Variants in TLL2 observed in about 807,000 individuals in gnomAD.
The protein encoded by TLL2 is tolloid like 2.
Under a neutral mutation model 123.0 loss-of-function variants are expected in TLL2, and 106 were observed. The observed-to-expected ratio is 0.86, with a 90% CI of 0.74 to 1.01. The LOEUF (loss-of-function observed/expected upper bound fraction) is 1.01. Among genes scored for constraint, TLL2 ranks in the 50% least tolerant of loss-of-function variants. TLL2 has a pLI of 0.00. For missense variants in TLL2, 1,332 were observed against 1,336.7 expected, an observed-to-expected ratio of 1.00 and a Z score of 0.06; for synonymous variants, 494 against 516.8, an observed-to-expected ratio of 0.96 and a Z score of 0.60.
At chr10:96,497,111 T>A (rs1465202848) in intron 1 of TLL2, among the ~76,000 whole-genome samples, 1 of 150,774 alleles carries the variant, frequency 6.6e-6, no homozygotes, top group Non-Finnish European at 1.5e-5. Flanking sequence ...CGAAACCCTG[T>A]CTCTGCTAAA....
chr10:96,403,231 T>C (rs568237926), intron 10 of TLL2, among the ~76,000 whole-genome samples: 1 of 152,188 alleles, frequency 6.6e-6, no homozygotes, highest in African/African-American at 2.4e-5. Context: ...ACTGGTCCTC[T>C]AGGCAAGGCT....
chr10:96,506,251 C>CAAAAAAAAAAAAAAAAAAAA (rs1210970430), intron 1 of TLL2, among the ~76,000 whole-genome samples: 1 of 36,752 alleles, frequency 2.7e-5, no homozygotes, highest in African/African-American at 1.1e-4. Context: ...GACCCCATCT[C>CAAAAAAAAAAAAAAAAAAAA]AAAAAAAAAA....
chr10:96,407,916 CCT>C (rs1254824025), intron 9 of TLL2, among the ~76,000 whole-genome samples: 1 of 152,192 alleles, frequency 6.6e-6, no homozygotes, highest in Non-Finnish European at 1.5e-5. Context: ...CGCTGTCACT[CCT>C]CTTTCAAACT....
intron 4 of TLL2, among the ~76,000 whole-genome samples, chr10:96,432,574 T>G (rs1186941712): frequency 6.6e-6 from 1 of 152,126 alleles, no homozygotes; most frequent in African/African-American, 2.4e-5. Flanking sequence ...ACTCCCCACA[T>G]GAAGCATCGG....
At position 96,413,331 on chromosome 10, in the gene TLL2, A is replaced by G. The variant is rs764841424; in HGVS notation, c.924-15T>C. Reference sequence around the variant, plus strand: ...AGAAAACTCCTCTACAGGAAGGAAAAAAGACAGAAAAAGAAAAGTCAAGGC... The same window carrying G: ...AGAAAACTCCTCTACAGGAAGGAAAGAAGACAGAAAAAGAAAAGTCAAGGC... On this transcript the variant is annotated splice_polypyrimidine_tract_variant and intron_variant, in intron 7 of 20. Transcript: ENST00000357947. 32 of 1,609,088 alleles carry G rather than the reference A, an allele frequency of 2.0e-5. No homozygotes were observed. Among genetic ancestry groups the G allele is most frequent in the Non-Finnish European group, 2.6e-5 (31 of 1,176,066 alleles).
chr10:96,376,947 GGGTATCCTGAATCA>G (rs762736088), intron 17 of TLL2, 128 bp from the exon 18 acceptor site: 30 of 882,212 alleles, frequency 3.4e-5, no homozygotes, highest in Non-Finnish European at 4.5e-5. Flanking sequence ...TATGGGGGTG[GGGTATCCTGAATCA>G]GGTATCTCCT....
At chr10:96,414,373 G>A (rs770864905) in intron 7 of TLL2, among the ~76,000 whole-genome samples, 30 of 152,006 alleles carry the variant, frequency 2.0e-4, no homozygotes, top group African/African-American at 2.9e-4. Flanking sequence ...CATCAGCAAC[G>A]GTCACCACTC....
chr10:96,415,469 T>C (rs533388830), intron 7 of TLL2, among the ~76,000 whole-genome samples: 10 of 152,090 alleles, frequency 6.6e-5, no homozygotes, highest in African/African-American at 2.2e-4. Context: ...CTTATCATAC[T>C]GTATTGTTTT....
At chr10:96,415,771 C>CTT (rs1846554861) in intron 7 of TLL2, among the ~76,000 whole-genome samples, 1 of 129,206 alleles carries the variant, frequency 7.7e-6, no homozygotes, top group African/African-American at 3.1e-5. Context: ...CTCTCTGTCT[C>CTT]TCTCAAGCAC....
At chr10:96,501,662 C>T (rs1410031442) in intron 1 of TLL2, among the ~76,000 whole-genome samples, 1 of 152,234 alleles carries the variant, frequency 6.6e-6, no homozygotes, top group Non-Finnish European at 1.5e-5. Flanking sequence ...CATTCCTCAC[C>T]TTTGCTGACA....
intron 1 of TLL2, among the ~76,000 whole-genome samples, chr10:96,500,445 T>G (rs1468881498): frequency 6.6e-6 from 1 of 152,220 alleles, no homozygotes; most frequent in Non-Finnish European, 1.5e-5. Flanking sequence ...TCTAAAGAGA[T>G]AACTCACGAT....
At chr10:96,394,279 G>A (rs375387207) in intron 13 of TLL2, among the ~76,000 whole-genome samples, 78 of 152,292 alleles carry the variant, frequency 5.1e-4, no homozygotes, top group African/African-American at 1.9e-3. Context: ...AGGACTGAAT[G>A]TCTCTACTCA....
chr10:96,381,950 A>C (rs1469672770), intron 16 of TLL2, among the ~76,000 whole-genome samples: 2 of 152,252 alleles, frequency 1.3e-5, no homozygotes, highest in Non-Finnish European at 2.9e-5. Flanking sequence ...AGATAACCAA[A>C]GTACAGTTCC....
At chr10:96,449,484 C>T (rs2134088862) in intron 2 of TLL2, among the ~76,000 whole-genome samples, 1 of 152,336 alleles carries the variant, frequency 6.6e-6, no homozygotes, top group Non-Finnish European at 1.5e-5. Context: ...TCCTTATCAA[C>T]AAGAGATGGA....
Position 96,366,692 on chromosome 10 carries a change from C to G in TLL2, c.*1396G>C, listed in dbSNP as rs1221988506. On this transcript the variant is annotated 3_prime_UTR_variant, in exon 21 of 21. Coordinates refer to ENST00000357947, the MANE Select transcript of TLL2 (RefSeq NM_012465.4). ...CCAAAGGAATTCCGGTGCATGGGAG[C>G]TATCTTGGCTCTAACCAAAAACACT... 6.6e-6 allele frequency: 1 copy of G among 152,486 alleles called. No individual in the cohort carries two copies. Among genetic ancestry groups the G allele is most frequent in the Non-Finnish European group, 1.5e-5 (1 of 68,052 alleles). 9.4% of individuals were successfully genotyped at this position (152,486 alleles called of 1,614,324 possible).
Position 96,490,670 on chromosome 10 carries a change from G to A in TLL2, c.176-10211C>T, listed in dbSNP as rs79044599. ...CTATACTTAGAAGCAAATGAGTTAT[G>A]TCTATGGATTCGACACACAAAGCTA... On this transcript the variant is annotated intron_variant, in intron 1 of 20. Transcript: ENST00000357947. 3.8e-3 allele frequency among the ~76,000 whole-genome samples: 578 copies of A among 152,294 alleles called. 5 individuals are homozygous for A. Among genetic ancestry groups the A allele is most frequent in the African/African-American group, 0.014 (563 of 41,562 alleles).
intron 2 of TLL2, among the ~76,000 whole-genome samples, chr10:96,471,106 T>G (rs1847178100): frequency 6.6e-6 from 1 of 152,172 alleles, no homozygotes; most frequent in South Asian, 2.1e-4. Context: ...GTTCTAGTGA[T>G]TCTCCTGCCT....
At chr10:96,447,038 A>C (rs966967335) in intron 2 of TLL2, among the ~76,000 whole-genome samples, 2 of 152,222 alleles carry the variant, frequency 1.3e-5, no homozygotes, top group African/African-American at 4.8e-5. Flanking sequence ...ATAGAACGTG[A>C]TGGGAGGAGC....
intron 17 of TLL2, among the ~76,000 whole-genome samples, chr10:96,377,180 C>T (rs910603487): frequency 2.0e-5 from 3 of 152,186 alleles, no homozygotes; most frequent in South Asian, 2.1e-4. Context: ...ATGTAAGCTT[C>T]GGTGTCCTTA....
Sources: allele counts gnomAD v4.1 joint callset (sites outside exome capture counted in the v4.1 genomes callset), GRCh38; gene constraint gnomAD v4.1.1; transcripts MANE v1.5; gene names NCBI Gene and HGNC (gene_info 2026-07-23, HGNC 2026-07-21).